Variants in SYNGR1 observed in about 807,000 individuals in gnomAD.
SYNGR1 encodes synaptogyrin-1.
Under a neutral mutation model 26.1 loss-of-function variants are expected in SYNGR1, and 14 were observed. The observed-to-expected ratio is 0.54, with a 90% CI of 0.35 to 0.84. The LOEUF is 0.84. Ranked by LOEUF, SYNGR1 falls within the 40% of genes least tolerant of loss-of-function variation. The pLI, the probability that SYNGR1 is intolerant of heterozygous loss-of-function variation, is 0.01. For synonymous variants in SYNGR1, 141 were observed against 150.1 expected, an observed-to-expected ratio of 0.94 and a Z score of 0.44; for missense variants, 319 against 332.9, an observed-to-expected ratio of 0.96 and a Z score of 0.33.
chr22:39,384,850 C>T lies in SYNGR1; in HGVS notation c.*2936C>T, dbSNP rs762318054. 1.3e-5 allele frequency: 5 copies of T among 398,870 alleles called. No homozygotes were observed. In the Admixed American group the frequency reaches 1.3e-4, roughly 11 times the overall value. The allele number at this position is 398,870 out of a possible 1,614,324, so 24.7% of individuals were successfully genotyped here. Reference sequence around the variant, plus strand: ...GGCAGAGTCTGGGGTAGGGAGACAGCGACTTGTCCAAGGTCAAGCACAGAG... The same window carrying T: ...GGCAGAGTCTGGGGTAGGGAGACAGTGACTTGTCCAAGGTCAAGCACAGAG... On this transcript the variant is annotated 3_prime_UTR_variant, in exon 4 of 4. Transcript: ENST00000328933.
At chr22:39,378,205 C>G in intron 3 of SYNGR1, 1 of 1,087,430 alleles carries the variant, frequency 9.2e-7, no homozygotes, top group Non-Finnish European at 1.1e-6. Flanking sequence ...CTGGCTCTGT[C>G]CTCATGTGCT....
rs964313279 is a variant in SYNGR1, at chr22:39,374,440, G to T, written c.224G>T (p.Gly75Val). ...PNACSYGVAVGVLAFLTCLLY... is the reference protein window; with the variant it reads ...PNACSYGVAVVVLAFLTCLLY... ...GCCTGCAGCTATGGCGTGGCCGTGG[G>T]CGTGCTCGCCTTCCTCACCTGCCTG... Residue 75 changes from glycine to valine, a missense_variant, in exon 2 of 4, where the codon GGC (glycine) becomes GTC (valine). Physicochemically the swap from Gly to Val is moderately radical, Grantham distance 109. Coordinates refer to ENST00000328933, the MANE Select transcript of SYNGR1 (RefSeq NM_004711.5). 8 of 1,613,902 alleles carry T rather than the reference G, an allele frequency of 5.0e-6. No individual in the cohort carries two copies. Among genetic ancestry groups the T allele is most frequent in the South Asian group, 1.1e-5 (1 of 91,094 alleles).
intron 3 of SYNGR1, chr22:39,376,915 C>A: frequency 6.5e-7 from 1 of 1,536,266 alleles, no homozygotes; most frequent in East Asian, 2.5e-5. Context: ...CAAAGTATGT[C>A]TCTGGGCCCA....
At position 39,351,725 on chromosome 22, in the gene SYNGR1, T is replaced by G. The variant is rs1435872917; in HGVS notation, c.99+1616T>G. On this transcript the variant is annotated intron_variant, in intron 1 of 3. Transcript: ENST00000328933. ...TCATTTAGCAAAGCTTTATTGAATC[T>G]GCTGGGCCCCAAGGGAAGGCAGCGT... is the stretch of plus-strand genomic sequence containing the variant. Among the ~76,000 whole-genome samples the G allele has an allele frequency of 1.3e-4, 20 of 152,336 alleles. No individual in the cohort carries two copies. In the East Asian group the frequency reaches 2.7e-3, roughly 21 times the overall value.
intron 3 of SYNGR1, chr22:39,378,365 G>C: frequency 2.2e-6 from 2 of 913,076 alleles, no homozygotes; most frequent in South Asian, 5.3e-5. Flanking sequence ...ATAAATGTAA[G>C]CTCTTTTGTT....
intron 1 of SYNGR1, among the ~76,000 whole-genome samples, chr22:39,372,424 C>G (rs1208424179): frequency 1.4e-5 from 2 of 146,086 alleles, no homozygotes. Context: ...AGCCACCATG[C>G]ACCACGCCCA....
rs1925630052 is a variant in SYNGR1, at chr22:39,385,378, T to C, written c.*3464T>C. 6.5e-6 allele frequency: 1 copy of C among 153,058 alleles called. No individual in the cohort carries two copies. The highest frequency in any genetic ancestry group is 6.5e-5 in the Admixed American group (1 of 15,288). The allele number at this position is 153,058 out of a possible 1,614,324, so 9.5% of individuals were successfully genotyped here. A position where few individuals can be genotyped will look rare whatever the true frequency, so the allele number is the denominator to read the frequency against. The stretch of plus-strand genomic sequence containing the variant: ...AAGGCTCCACAAATATATCTGTGTG[T>C]GTGTGTGCGTGTGTGTGCGGTGAAG... On this transcript the variant is annotated 3_prime_UTR_variant, in exon 4 of 4. Transcript: ENST00000328933.
intron 1 of SYNGR1, among the ~76,000 whole-genome samples, chr22:39,371,700 G>A (rs1925028289): frequency 6.6e-6 from 1 of 152,048 alleles, no homozygotes; most frequent in African/African-American, 2.4e-5. Flanking sequence ...GCTGAGGCTG[G>A]TCTTGAACTC....
At position 39,382,205 on chromosome 22, in the gene SYNGR1, C is replaced by A. The variant is rs1298379078; in HGVS notation, c.*291C>A. ...CATTCCTTGAGCGCCTACTGGGCAT[C>A]CGGCCTGTGCTGGGCATGGGTGGTG... On this transcript the variant is annotated 3_prime_UTR_variant, in exon 4 of 4. Transcript: ENST00000328933. 3.8e-6 allele frequency: 2 copies of A among 531,048 alleles called. No individual in the cohort carries two copies. The highest frequency in any genetic ancestry group is 6.8e-6 in the Non-Finnish European group (2 of 292,472). 32.9% of individuals were successfully genotyped at this position (531,048 alleles called of 1,614,324 possible). A position where few individuals can be genotyped will look rare whatever the true frequency, so the allele number is the denominator to read the frequency against.
rs112079898 is a variant in SYNGR1 at position 39,359,143 on chromosome 22, T to C, written c.99+9034T>C. Among the ~76,000 whole-genome samples the C allele has an allele frequency of 2.2e-3, 333 of 152,312 alleles. 2 individuals are homozygous for C. The highest frequency in any genetic ancestry group is 7.7e-3 in the African/African-American group (322 of 41,582). On this transcript the variant is annotated intron_variant, in intron 1 of 3. Transcript: ENST00000328933. The stretch of plus-strand genomic sequence containing the variant: ...CCCAGACCTTGCTTCCTGCAGCCTG[T>C]TCAGTGGGGGCTGCTTTATCCCTCA...
chr22:39,369,226 A>T (rs1924908363), intron 1 of SYNGR1, among the ~76,000 whole-genome samples: 1 of 152,186 alleles, frequency 6.6e-6, no homozygotes, highest in Non-Finnish European at 1.5e-5. Context: ...GCAGTACACC[A>T]GTGCAAGGGG....
chr22:39,372,533 C>G (rs752826606), intron 1 of SYNGR1, among the ~76,000 whole-genome samples: 15 of 149,146 alleles, frequency 1.0e-4, no homozygotes, highest in Non-Finnish European at 1.6e-4. Context: ...TCACTGCAAC[C>G]TCCGCCCAGG....
intron 1 of SYNGR1, among the ~76,000 whole-genome samples, chr22:39,357,029 G>T (rs551097542): frequency 5.3e-5 from 8 of 152,270 alleles, no homozygotes; most frequent in African/African-American, 1.9e-4. Context: ...AGGCCAAGGT[G>T]GTTGACTCAC....
chr22:39,375,944 A>T (rs768778972), intron 2 of SYNGR1, 108 bp from the exon 3 acceptor site: 1 of 1,435,514 alleles, frequency 7.0e-7, no homozygotes, highest in South Asian at 1.1e-5. Context: ...AGCATGGGAG[A>T]TGCACTCTTG....
chr22:39,377,175 C>A, intron 3 of SYNGR1: 2 of 1,462,438 alleles, frequency 1.4e-6, no homozygotes, highest in Non-Finnish European at 1.8e-6. Flanking sequence ...TTTCCCCCAT[C>A]CTTCTGGTTT....
chr22:39,376,303 C>G (rs1435763147), intron 3 of SYNGR1, 106 bp downstream of exon 3: 33 of 1,563,638 alleles, frequency 2.1e-5, no homozygotes, highest in Non-Finnish European at 2.8e-5. Flanking sequence ...CTCTGGGAGC[C>G]CACACTACCC....
intron 3 of SYNGR1, chr22:39,379,724 C>G (rs903795157): frequency 1.2e-4 from 19 of 152,110 alleles, no homozygotes; most frequent in African/African-American, 4.3e-4. Context: ...CACTCTCTAC[C>G]TCTTCACTAA....
intron 1 of SYNGR1, among the ~76,000 whole-genome samples, chr22:39,363,440 G>A (rs1416306740): frequency 6.6e-6 from 1 of 151,962 alleles, no homozygotes; most frequent in East Asian, 1.9e-4. Flanking sequence ...TGACAGTTTT[G>A]GGAGGAGGTT....
intron 1 of SYNGR1, among the ~76,000 whole-genome samples, chr22:39,352,632 G>A (rs960054129): frequency 1.8e-4 from 28 of 152,102 alleles, no homozygotes; most frequent in Admixed American, 3.3e-4. Flanking sequence ...TGCAGCTGGC[G>A]CCTGCTCTTG....
Sources: gnomAD v4.1 joint callset for allele counts (sites outside exome capture counted in the v4.1 genomes callset) on GRCh38, gnomAD v4.1.1 for gene constraint, MANE v1.5 for transcripts, NCBI Gene and HGNC (gene_info 2026-07-23, HGNC 2026-07-21) for gene names.